The following WDR20 variants were observed in gnomAD, a reference collection of about 807,000 sequenced individuals.
The protein encoded by WDR20 is WD repeat-containing protein 20.
WDR20 carries 3 observed loss-of-function variants against 38.7 expected under a neutral mutation model. The observed-to-expected ratio is 0.08, with a 90% CI of 0.04 to 0.20. WDR20 has a LOEUF of 0.20. Among genes scored for constraint, WDR20 ranks in the 10% least tolerant of loss-of-function variants. The pLI, the probability that WDR20 is intolerant of heterozygous loss-of-function variation, is 1.00. For missense variants in WDR20, 559 were observed against 727.7 expected, an observed-to-expected ratio of 0.77 and a Z score of 2.67; for synonymous variants, 298 against 285.6, an observed-to-expected ratio of 1.04 and a Z score of -0.44.
chr14:102,170,801 A>G (rs752542786), intron 1 of WDR20, among the ~76,000 whole-genome samples: 1 of 151,646 alleles, frequency 6.6e-6, no homozygotes, highest in East Asian at 1.9e-4. Context: ...CTTTTTATAT[A>G]AATTAGCCCT....
At chr14:102,166,135 G>T (rs2059737543) in intron 1 of WDR20, among the ~76,000 whole-genome samples, 1 of 140,988 alleles carries the variant, frequency 7.1e-6, no homozygotes, top group Non-Finnish European at 1.5e-5. Context: ...CCCCAGATTG[G>T]ACTATAGGCG....
chr14:102,154,923 A>G (rs563513739), intron 1 of WDR20, among the ~76,000 whole-genome samples: 1 of 152,348 alleles, frequency 6.6e-6, no homozygotes, highest in South Asian at 2.1e-4. Context: ...TCAAGGACAT[A>G]GATAATAATT....
chr14:102,150,242 G>A (rs898006595), intron 1 of WDR20, among the ~76,000 whole-genome samples: 5 of 152,114 alleles, frequency 3.3e-5, no homozygotes, highest in South Asian at 2.1e-4. Flanking sequence ...TTGGGAGGCT[G>A]AGGTGGGAGG....
chr14:102,212,856 A>C (rs45511198), downstream of WDR20: 132,282 of 1,257,984 alleles, frequency 0.11, 7,278 homozygotes, highest in African/African-American at 0.11. Flanking sequence ...TATGAGCAAG[A>C]ATATCTTTTC....
chr14:102,200,463 T>TG (rs1567022952), intron 2 of WDR20, among the ~76,000 whole-genome samples: 103 of 99,682 alleles, frequency 1.0e-3, no homozygotes, highest in Admixed American at 3.0e-3. Context: ...TTAAATTTTT[T>TG]TTTTTGTGTG....
At chr14:102,151,673 A>G in intron 1 of WDR20, among the ~76,000 whole-genome samples, 1 of 151,730 alleles carries the variant, frequency 6.6e-6, no homozygotes, top group Non-Finnish European at 1.5e-5. Context: ...ATAGGCATGA[A>G]CCACCATGCT....
At chr14:102,200,491 G>A (rs1217416536) in intron 2 of WDR20, among the ~76,000 whole-genome samples, 2 of 135,546 alleles carry the variant, frequency 1.5e-5, no homozygotes, top group African/African-American at 6.4e-5. Flanking sequence ...GTGTGTGTGT[G>A]TGTGTGTGTG....
At chr14:102,216,689 G>C (rs760976007), downstream of WDR20, among the ~76,000 whole-genome samples, 6 of 152,164 alleles carry the variant, frequency 3.9e-5, no homozygotes, top group Non-Finnish European at 7.3e-5. Context: ...CAGCACTTTG[G>C]GAGGCCGAGG....
At chr14:102,169,066 T>C (rs1489053710) in intron 1 of WDR20, among the ~76,000 whole-genome samples, 6 of 152,320 alleles carry the variant, frequency 3.9e-5, no homozygotes, top group African/African-American at 1.4e-4. Flanking sequence ...GATTCCCCAG[T>C]GTGATTTGCT....
chr14:102,156,405 T>C (rs542868978), intron 1 of WDR20, among the ~76,000 whole-genome samples: 1 of 150,748 alleles, frequency 6.6e-6, no homozygotes, highest in African/African-American at 2.4e-5. Flanking sequence ...CCTGACCTCG[T>C]GATCTGCCCG....
intron 1 of WDR20, among the ~76,000 whole-genome samples, chr14:102,166,223 C>T (rs559272861): frequency 6.6e-6 from 1 of 151,950 alleles, no homozygotes; most frequent in South Asian, 2.1e-4. Flanking sequence ...AAGCGATCTG[C>T]CCGTCTCAGC....
downstream of WDR20, chr14:102,212,875 T>C (rs112187885): frequency 0.017 from 20,573 of 1,187,020 alleles, 202 homozygotes; most frequent in Non-Finnish European, 0.019. Flanking sequence ...TCTAACCTAA[T>C]CTGTGGAATA....
Position 102,209,494 on chromosome 14 carries a change from A to G in WDR20, c.1324A>G (p.Asn442Asp). The part of the protein sequence containing the change: ...SNSLPHSAVS[N>D]AGSKSSVMDG... Reference sequence around the variant, plus strand: ...CAGCCTTCCACATTCAGCAGTCTCAAATGCTGGCAGCAAAAGCAGTGTCAT... The same window carrying G: ...CAGCCTTCCACATTCAGCAGTCTCAGATGCTGGCAGCAAAAGCAGTGTCAT... Residue 442 changes from asparagine (N) to aspartate (D), a missense_variant, in exon 3 of 3, where the codon AAT becomes GAT. Physicochemically the swap from Asn to Asp is conservative, Grantham distance 23 (BLOSUM62 1). Coordinates refer to ENST00000342702, the MANE Select transcript of WDR20 (RefSeq NM_144574.4). This position sits in a 1 kb window ranked among gnomAD's most constrained non-coding sequence, Gnocchi z 6.0. The G allele has an allele frequency of 6.2e-7, 1 of 1,614,180 alleles. No homozygotes were observed. Among genetic ancestry groups the G allele is most frequent in the South Asian group, 1.1e-5 (1 of 91,086 alleles).
chr14:102,219,340 T>G (rs1461033496), downstream of WDR20, among the ~76,000 whole-genome samples: 3 of 152,246 alleles, frequency 2.0e-5, no homozygotes, highest in Admixed American at 1.3e-4. Context: ...GTCCAGTGAC[T>G]CGCACAAGTC....
intron 1 of WDR20, among the ~76,000 whole-genome samples, chr14:102,150,695 T>G (rs910519675): frequency 3.3e-5 from 5 of 152,190 alleles, no homozygotes; most frequent in African/African-American, 9.6e-5. Context: ...CCTTAATATT[T>G]CATTTAATAA....
intron 1 of WDR20, among the ~76,000 whole-genome samples, chr14:102,146,152 T>TTTG (rs1566785523): frequency 5.9e-5 from 9 of 151,826 alleles, no homozygotes; most frequent in African/African-American, 2.2e-4. Context: ...GGAAGAGTTT[T>TTTG]TTTGTTTGTT....
In WDR20 at chr14:102,158,827, G is replaced by A. The variant is rs77666984; in HGVS notation, c.249+18655G>A. On this transcript the variant is annotated intron_variant, in intron 1 of 2. Coordinates refer to ENST00000342702, the MANE Select transcript of WDR20 (RefSeq NM_144574.4). ...CTAAAGTCACCTCCCCGACTCGTTC[G>A]CTAAATCCCACCTCATTTTGGCTAA... 7.4e-3 allele frequency among the ~76,000 whole-genome samples: 1,132 copies of A among 152,132 alleles called. 21 individuals carry two copies. The highest frequency in any genetic ancestry group is 0.026 in the African/African-American group (1,059 of 41,456).
intron 1 of WDR20, among the ~76,000 whole-genome samples, chr14:102,152,133 C>T (rs537755290): frequency 6.6e-6 from 1 of 151,930 alleles, no homozygotes; most frequent in East Asian, 1.9e-4. Context: ...CCAGGCTGGT[C>T]TTGGACTCCT....
intron 1 of WDR20, among the ~76,000 whole-genome samples, chr14:102,194,164 A>T (rs1480574345): frequency 6.6e-6 from 1 of 152,174 alleles, no homozygotes; most frequent in Non-Finnish European, 1.5e-5. Flanking sequence ...TTGTTTTCTC[A>T]TCTGTAAAAT....
Sources: allele counts gnomAD v4.1 joint callset (sites outside exome capture counted in the v4.1 genomes callset), GRCh38; gene constraint gnomAD v4.1.1; non-coding constraint Gnocchi (gnomAD v3.1); transcripts MANE v1.5; gene names NCBI Gene and HGNC (gene_info 2026-07-23, HGNC 2026-07-21).